TRIM14: variants seen among roughly 807,000 people sequenced by gnomAD.
The protein encoded by TRIM14 is tripartite motif containing 14.
TRIM14 carries 28 observed loss-of-function variants against 44.5 expected under a neutral mutation model. The observed-to-expected ratio is 0.63, with a 90% CI of 0.47 to 0.86. TRIM14 has a LOEUF of 0.86. Among genes scored for constraint, TRIM14 ranks in the 40% least tolerant of loss-of-function variants. The pLI, the probability that TRIM14 is intolerant of heterozygous loss-of-function variation, is 0.00. For missense variants in TRIM14, 607 were observed against 611.1 expected (o/e 0.99, Z 0.07); for synonymous variants, 299 against 269.2 (o/e 1.11, Z -1.08).
chr9:98,094,173 G>A (rs1826099921), intron 4 of TRIM14, among the ~76,000 whole-genome samples: 1 of 152,234 alleles, frequency 6.6e-6, no homozygotes, highest in African/African-American at 2.4e-5. Flanking sequence ...TGCTATGCCT[G>A]GCATATAAGA....
chr9:98,045,003 C>T, the TRIM14 span, among the ~76,000 whole-genome samples: 4 of 152,058 alleles, frequency 2.6e-5, no homozygotes, highest in African/African-American at 7.2e-5. Context: ...GTCCCAGCTA[C>T]GTGAGAGGCT....
At chr9:98,051,177 A>G in the TRIM14 span, among the ~76,000 whole-genome samples, 1 of 152,226 alleles carries the variant, frequency 6.6e-6, no homozygotes, top group Non-Finnish European at 1.5e-5. Flanking sequence ...GAGAGAATAC[A>G]GCACACCAGG....
chr9:98,061,095 T>C, the TRIM14 span: 1 of 1,161,870 alleles, frequency 8.6e-7, no homozygotes, highest in Non-Finnish European at 1.3e-6. Flanking sequence ...CAGCCCTTGC[T>C]CATCCTTTCT....
At chr9:98,042,694 A>T in the TRIM14 span, among the ~76,000 whole-genome samples, 1 of 152,044 alleles carries the variant, frequency 6.6e-6, no homozygotes, top group Non-Finnish European at 1.5e-5. Flanking sequence ...ACACGGTGAA[A>T]CCCCGTCTCT....
chr9:98,105,849 A>T (rs899352613), intron 2 of TRIM14, among the ~76,000 whole-genome samples: 3 of 152,206 alleles, frequency 2.0e-5, no homozygotes, highest in Admixed American at 2.0e-4. Flanking sequence ...CCATCCATCA[A>T]CTAGCACCAG....
chr9:98,062,378 A>G, the TRIM14 span, among the ~76,000 whole-genome samples: 1 of 152,112 alleles, frequency 6.6e-6, no homozygotes, highest in African/African-American at 2.4e-5. Flanking sequence ...CTGGAAGAGT[A>G]CAGCTCGTGC....
chr9:98,048,319 T>A, the TRIM14 span, among the ~76,000 whole-genome samples: 5 of 152,106 alleles, frequency 3.3e-5, no homozygotes, highest in Admixed American at 1.3e-4. Flanking sequence ...GCTTATTAGG[T>A]CCTAGAAACT....
intron 5 of TRIM14, among the ~76,000 whole-genome samples, chr9:98,090,854 G>A (rs928477739): frequency 3.9e-5 from 6 of 152,162 alleles, no homozygotes; most frequent in South Asian, 2.1e-4. Flanking sequence ...GTGAGCCACC[G>A]TGCTCGGCCT....
the TRIM14 span, among the ~76,000 whole-genome samples, chr9:98,062,082 C>T: frequency 1.2e-4 from 18 of 151,872 alleles, no homozygotes; most frequent in East Asian, 1.2e-3. Context: ...ATTAGCCAGG[C>T]GTGGTGGCGT....
At chr9:98,077,092 A>G in intron 6 of TRIM14, 2 of 1,076,366 alleles carry the variant, frequency 1.9e-6, no homozygotes, top group Non-Finnish European at 2.7e-6. Flanking sequence ...ATGGTGGCCC[A>G]CTTTCAGCAG....
intron 3 of TRIM14, among the ~76,000 whole-genome samples, chr9:98,098,770 G>A (rs919323591): frequency 6.6e-6 from 1 of 152,032 alleles, no homozygotes; most frequent in East Asian, 1.9e-4. Context: ...ATGTAGCAAT[G>A]ACTATCCCTG....
chr9:98,065,308 CTTTT>C (rs758040892), downstream of TRIM14, among the ~76,000 whole-genome samples: 2 of 92,764 alleles, frequency 2.2e-5, no homozygotes, highest in Non-Finnish European at 3.9e-5. Context: ...ACTCCTGGTG[CTTTT>C]TTTTTTTTTT....
intron 1 of TRIM14, 70 bp downstream of exon 1, chr9:98,118,912 T>C (rs1564194110): frequency 6.4e-6 from 9 of 1,412,934 alleles, no homozygotes; most frequent in Non-Finnish European, 7.4e-6. Flanking sequence ...GCACGCCCCC[T>C]CCTCGGCCGT....
chr9:98,083,035 G>A (rs1448282473), downstream of TRIM14: 1 of 1,613,782 alleles, frequency 6.2e-7, no homozygotes. Flanking sequence ...AGATAATCAT[G>A]GCAAAAAAAT....
the TRIM14 span, among the ~76,000 whole-genome samples, chr9:98,049,757 CTTCTT>C: frequency 1.3e-5 from 2 of 152,236 alleles, no homozygotes; most frequent in South Asian, 4.1e-4. Context: ...CCTCCTGTCT[CTTCTT>C]GTAACTAGGA....
chr9:98,036,208 AAAAAAG>A, the TRIM14 span, among the ~76,000 whole-genome samples: 8 of 151,778 alleles, frequency 5.3e-5, no homozygotes, highest in Non-Finnish European at 7.4e-5. Flanking sequence ...AAAAAACAGA[AAAAAAG>A]AAAAAGAAAA....
chr9:98,087,268 A>G lies in TRIM14; in HGVS notation c.*202T>C, dbSNP rs1288089555. On this transcript the variant is annotated 3_prime_UTR_variant, in exon 6 of 6. Coordinates refer to ENST00000341469, the MANE Select transcript of TRIM14 (RefSeq NM_014788.4). Reference sequence around the variant, plus strand: ...GGAGGTCTGATGAGAGGGCAGCAGCAGACTTGTTTAGGGCCTGTTTGAAAC... The same window carrying G: ...GGAGGTCTGATGAGAGGGCAGCAGCGGACTTGTTTAGGGCCTGTTTGAAAC... 1 of 851,116 alleles carries G rather than the reference A, an allele frequency of 1.2e-6. No homozygotes were observed. Among genetic ancestry groups the G allele is most frequent in the South Asian group, 1.3e-5 (1 of 75,098 alleles). The allele number at this position is 851,116 out of a possible 1,614,324, so 52.7% of individuals were successfully genotyped here. A position where few individuals can be genotyped will look rare whatever the true frequency, so the allele number is the denominator to read the frequency against.
chr9:98,115,714 T>C (rs550009853), intron 1 of TRIM14, among the ~76,000 whole-genome samples: 26 of 152,290 alleles, frequency 1.7e-4, no homozygotes, highest in African/African-American at 4.8e-4. Context: ...TATGACAATA[T>C]AGTTATTTGC....
intron 2 of TRIM14, 122 bp from the exon 3 acceptor site, chr9:98,100,286 A>G (rs1335352699): frequency 2.5e-6 from 2 of 814,096 alleles, no homozygotes; most frequent in Non-Finnish European, 3.9e-6. Flanking sequence ...GTCAGACACA[A>G]GATCAACTTA....
Sources: allele counts gnomAD v4.1 joint callset (sites outside exome capture counted in the v4.1 genomes callset), GRCh38; gene constraint gnomAD v4.1.1; transcripts MANE v1.5; gene names NCBI Gene and HGNC (gene_info 2026-07-23, HGNC 2026-07-21).